The following SEMA3A variants were observed in gnomAD, a reference collection of about 807,000 sequenced individuals.
SEMA3A encodes semaphorin-3A.
In SEMA3A, 29 loss-of-function variants were observed where a neutral mutation model predicts 97.9. That is an observed-to-expected ratio of 0.30 (90% CI 0.22 to 0.40). The LOEUF is 0.40. Among genes scored for constraint, SEMA3A ranks in the 10% least tolerant of loss-of-function variants. The pLI is 1.00. For missense variants in SEMA3A, 763 were observed against 951.3 expected (o/e 0.80, Z 2.60); for synonymous variants, 321 against 323.7 (o/e 0.99, Z 0.09).
chr7:84,080,524 T>G (rs1443607504), intron 4 of SEMA3A, among the ~76,000 whole-genome samples: 3 of 151,952 alleles, frequency 2.0e-5, no homozygotes, highest in African/African-American at 7.2e-5. Flanking sequence ...TTTTGATTAA[T>G]ATCTTACTCA....
At chr7:84,092,449 C>G (rs1794631617) in intron 4 of SEMA3A, among the ~76,000 whole-genome samples, 3 of 152,110 alleles carry the variant, frequency 2.0e-5, no homozygotes, top group African/African-American at 7.2e-5. Flanking sequence ...CGCTGAACAT[C>G]ACAACACTTT....
chr7:84,338,323 C>T (rs1206227637), intron 2 of SEMA3A, among the ~76,000 whole-genome samples: 1 of 151,890 alleles, frequency 6.6e-6, no homozygotes, highest in Non-Finnish European at 1.5e-5. Flanking sequence ...TGTGTGCTTC[C>T]ATATCATTTT....
chr7:84,258,652 T>A (rs1017837367), intron 3 of SEMA3A, among the ~76,000 whole-genome samples: 1 of 152,192 alleles, frequency 6.6e-6, no homozygotes, highest in African/African-American at 2.4e-5. Context: ...CAGGTCACAA[T>A]GCATATTTGC....
chr7:84,438,397 T>C (rs980696322), intron 1 of SEMA3A, among the ~76,000 whole-genome samples: 3 of 152,102 alleles, frequency 2.0e-5, no homozygotes, highest in Non-Finnish European at 4.4e-5. Flanking sequence ...GAAACCAGAC[T>C]AATGTGTTAC....
intron 12 of SEMA3A, among the ~76,000 whole-genome samples, chr7:83,994,640 T>C (rs1790127773): frequency 1.4e-5 from 2 of 146,022 alleles, no homozygotes; most frequent in Admixed American, 6.9e-5. Flanking sequence ...GGATCAGGGG[T>C]CAGGGACCCA....
chr7:84,167,660 G>C (rs554612256), intron 1 of SEMA3A, among the ~76,000 whole-genome samples: 1 of 152,240 alleles, frequency 6.6e-6, no homozygotes, highest in East Asian at 1.9e-4. Context: ...AATAAAATAA[G>C]ACAAAGGGAA....
intron 3 of SEMA3A, among the ~76,000 whole-genome samples, chr7:84,268,374 C>T (rs1800064044): frequency 6.6e-6 from 1 of 151,526 alleles, no homozygotes; most frequent in African/African-American, 2.4e-5. Context: ...CTAGTTGTGA[C>T]ACTTTCCTTC....
At chr7:84,393,304 T>C (rs1317736649) in intron 1 of SEMA3A, among the ~76,000 whole-genome samples, 2 of 152,146 alleles carry the variant, frequency 1.3e-5, no homozygotes, top group Non-Finnish European at 2.9e-5. Flanking sequence ...GAAGAGTCTT[T>C]TTTCCATTGT....
At chr7:84,447,416 C>G (rs1805445218) in intron 1 of SEMA3A, among the ~76,000 whole-genome samples, 1 of 152,128 alleles carries the variant, frequency 6.6e-6, no homozygotes, top group Non-Finnish European at 1.5e-5. Flanking sequence ...TGGTGGAGTC[C>G]CCCACACAGA....
chr7:84,464,115 T>C (rs1805932541), intron 1 of SEMA3A, among the ~76,000 whole-genome samples: 1 of 152,210 alleles, frequency 6.6e-6, no homozygotes, highest in Non-Finnish European at 1.5e-5. Context: ...TAGAATTCCT[T>C]TTAAGCTCAG....
At chr7:84,463,085 A>G (rs1330826732) in intron 1 of SEMA3A, among the ~76,000 whole-genome samples, 2 of 152,038 alleles carry the variant, frequency 1.3e-5, no homozygotes, top group Non-Finnish European at 2.9e-5. Flanking sequence ...AATAACCACC[A>G]AAGTACTGAA....
At chr7:84,483,763 G>A (rs1179222637) in intron 1 of SEMA3A, among the ~76,000 whole-genome samples, 1 of 152,052 alleles carries the variant, frequency 6.6e-6, no homozygotes, top group Non-Finnish European at 1.5e-5. Flanking sequence ...AAAAAATCTG[G>A]GTCAGGCACA....
At chr7:84,486,302 C>T (rs1316824816) in intron 1 of SEMA3A, among the ~76,000 whole-genome samples, 2 of 152,132 alleles carry the variant, frequency 1.3e-5, no homozygotes, top group Admixed American at 6.5e-5. Context: ...GAAGGAGAAT[C>T]ACTTGAACCA....
intron 1 of SEMA3A, among the ~76,000 whole-genome samples, chr7:84,421,921 G>A (rs1338462549): frequency 6.6e-6 from 1 of 152,046 alleles, no homozygotes; most frequent in Non-Finnish European, 1.5e-5. Flanking sequence ...CAGTTTGCCA[G>A]TATTTTATTG....
At chr7:84,406,088 C>CA (rs1198200773) in intron 1 of SEMA3A, among the ~76,000 whole-genome samples, 1 of 151,944 alleles carries the variant, frequency 6.6e-6, no homozygotes, top group Non-Finnish European at 1.5e-5. Flanking sequence ...AAAAAACCTT[C>CA]AAAAAATCAA....
intron 2 of SEMA3A, among the ~76,000 whole-genome samples, chr7:84,332,913 A>C (rs190110250): frequency 1.1e-3 from 170 of 152,174 alleles, no homozygotes; most frequent in African/African-American, 3.9e-3. Context: ...CAGAGTTATG[A>C]ATCATTTTAT....
In SEMA3A at chr7:83,974,650, T is replaced by C. The variant is rs147147611; in HGVS notation, c.1717+2482A>G. On this transcript the variant is annotated intron_variant, in intron 15 of 16. Transcript: ENST00000265362. ...TACTTTCAAATACTGACGTCAACTATTCCAAAATAATCACTGATTCCTAAT... is the reference window on the plus strand; with the variant it reads ...TACTTTCAAATACTGACGTCAACTACTCCAAAATAATCACTGATTCCTAAT... Among the ~76,000 whole-genome samples the C allele has an allele frequency of 7.8e-3, 1,193 of 152,224 alleles. 19 individuals carry two copies. Among genetic ancestry groups the C allele is most frequent in the African/African-American group, 0.027 (1,112 of 41,522 alleles).
chr7:84,452,621 T>C (rs917326983), intron 1 of SEMA3A, among the ~76,000 whole-genome samples: 3 of 152,192 alleles, frequency 2.0e-5, no homozygotes, highest in African/African-American at 7.2e-5. Flanking sequence ...TTACTATGTA[T>C]AAAAAATAGT....
intron 3 of SEMA3A, among the ~76,000 whole-genome samples, chr7:84,249,801 T>A (rs1302907031): frequency 2.6e-5 from 4 of 151,606 alleles, no homozygotes; most frequent in African/African-American, 9.7e-5. Flanking sequence ...AAAAAAATTG[T>A]CAAGTACCTC....
Sources: allele counts gnomAD v4.1 joint callset (sites outside exome capture counted in the v4.1 genomes callset), GRCh38; gene constraint gnomAD v4.1.1; transcripts MANE v1.5; gene names NCBI Gene and HGNC (gene_info 2026-07-23, HGNC 2026-07-21).